Variants in NAMPT observed in about 807,000 individuals in gnomAD.
NAMPT encodes the protein nicotinamide phosphoribosyltransferase.
In NAMPT, 7 loss-of-function variants were observed where a neutral mutation model predicts 58.7. That is an observed-to-expected ratio of 0.12 (90% CI 0.07 to 0.22). The LOEUF (loss-of-function observed/expected upper bound fraction) is 0.22. Among genes scored for constraint, NAMPT ranks in the 10% least tolerant of loss-of-function variants. NAMPT has a pLI of 1.00. For synonymous variants in NAMPT, 145 were observed against 198.1 expected (o/e 0.73, Z 2.25); for missense variants, 271 against 567.9 (o/e 0.48, Z 5.31).
intron 8 of NAMPT, among the ~76,000 whole-genome samples, chr7:106,259,620 TCAC>T (rs1369899522): frequency 6.6e-6 from 1 of 152,094 alleles, no homozygotes; most frequent in Non-Finnish European, 1.5e-5. Flanking sequence ...AGACGGGGTT[TCAC>T]CACGTTGGCC....
chr7:106,258,341 A>G (rs1350832878), intron 8 of NAMPT, among the ~76,000 whole-genome samples: 1 of 152,218 alleles, frequency 6.6e-6, no homozygotes, highest in Admixed American at 6.5e-5. Context: ...TAATTTGGGT[A>G]CTGACCTTAC....
At chr7:106,265,387 A>G (rs1016310804) in intron 6 of NAMPT, among the ~76,000 whole-genome samples, 2 of 151,820 alleles carry the variant, frequency 1.3e-5, no homozygotes, top group African/African-American at 4.8e-5. Flanking sequence ...CTTTCTCTTG[A>G]CTTCAATGAC....
At chr7:106,261,937 TA>T (rs1395921247) in intron 7 of NAMPT, among the ~76,000 whole-genome samples, 1 of 152,108 alleles carries the variant, frequency 6.6e-6, no homozygotes. Context: ...ATTCACATCA[TA>T]AAGTGGCTCA....
rs370987898 is a variant in NAMPT at position 106,272,645 on chromosome 7, T to C, written c.332A>G (p.His111Arg). ...AACAGCTTTTATTTCTATTGGAAGA[T>C]GCCCATCATACTTCTGGCAGGATAA... is the stretch of plus-strand genomic sequence containing the variant. ...WNYILEKYDG[H>R]LPIEIKAVPE... The change falls in exon 4 of 11, where the codon CAT becomes CGT. Residue 111 changes from histidine to arginine, a missense_variant. Transcript: ENST00000222553. The C allele has an allele frequency of 3.0e-5, 48 of 1,613,132 alleles. No individual in the cohort carries two copies. Among genetic ancestry groups the C allele is most frequent in the Non-Finnish European group, 3.6e-5 (43 of 1,179,420 alleles).
chr7:106,253,294 G>T, intron 9 of NAMPT, 143 bp from the exon 10 acceptor site: 1 of 785,212 alleles, frequency 1.3e-6, no homozygotes, highest in Non-Finnish European at 2.0e-6. Flanking sequence ...TCCACATCTG[G>T]CTTTCAGAAA....
upstream of NAMPT, chr7:106,285,165 G>T (rs1207929498): frequency 3.2e-6 from 4 of 1,246,574 alleles, no homozygotes; most frequent in African/African-American, 3.2e-5. Context: ...CACCCTCCGG[G>T]GGCCGAGAAA....
chr7:106,261,573 A>G lies in NAMPT; in HGVS notation c.1089+15T>C, dbSNP rs1236349031. The G allele has an allele frequency of 6.6e-7, 1 of 1,520,048 alleles. No individual in the cohort carries two copies. Among genetic ancestry groups the G allele is most frequent in the South Asian group, 1.2e-5 (1 of 83,348 alleles). The allele number at this position is 1,520,048 out of a possible 1,614,324, so 94.2% of individuals were successfully genotyped here. On this transcript the variant is annotated intron_variant, in intron 8 of 10. Transcript: ENST00000222553. ...AAGAAATGCCTTATTGAAACTTTTA[A>G]TATAAAACACATACCTCTTGTAAGG...
chr7:106,280,059 C>G (rs1192343476), intron 1 of NAMPT, among the ~76,000 whole-genome samples: 2 of 152,072 alleles, frequency 1.3e-5, no homozygotes, highest in East Asian at 3.8e-4. Context: ...ATACCAAGTG[C>G]AATGGGAAGC....
At chr7:106,278,590 G>C (rs563920302) in intron 1 of NAMPT, among the ~76,000 whole-genome samples, 2 of 152,292 alleles carry the variant, frequency 1.3e-5, no homozygotes, top group South Asian at 4.1e-4. Flanking sequence ...TACAGAATCT[G>C]CAGCAATGAA....
chr7:106,285,479 C>G (rs908337492), upstream of NAMPT: 18 of 926,654 alleles, frequency 1.9e-5, no homozygotes, highest in Middle Eastern at 1.7e-3. Flanking sequence ...TCACGCCACC[C>G]GGCTAGGGGG....
At chr7:106,283,457 C>CAGTT (rs1792803701) in intron 1 of NAMPT, among the ~76,000 whole-genome samples, 1 of 152,014 alleles carries the variant, frequency 6.6e-6, no homozygotes, top group Admixed American at 6.6e-5. Flanking sequence ...AAAAATCTGA[C>CAGTT]AGTTATTTTA....
Position 106,249,973 on chromosome 7 carries a change from C to A in NAMPT, c.*1110G>T, listed in dbSNP as rs1210235962. 6.6e-6 allele frequency: 1 copy of A among 152,102 alleles called. No homozygotes were observed. Among genetic ancestry groups the A allele is most frequent in the Middle Eastern group, 3.4e-3 (1 of 294 alleles). The allele number at this position is 152,102 out of a possible 1,614,324, so 9.4% of individuals were successfully genotyped here. ...ATGCTTTTCATTGGAGATAATTTAT[C>A]TTCATTTAAGAATGTGCTTCAGTAT... On this transcript the variant is annotated 3_prime_UTR_variant, in exon 11 of 11. Coordinates refer to ENST00000222553, the MANE Select transcript of NAMPT (RefSeq NM_005746.3).
At chr7:106,271,530 G>T (rs1484742831) in intron 4 of NAMPT, among the ~76,000 whole-genome samples, 1 of 152,034 alleles carries the variant, frequency 6.6e-6, no homozygotes, top group Non-Finnish European at 1.5e-5. Flanking sequence ...TGTTATTTCA[G>T]TCCTAAATAT....
chr7:106,264,853 A>G (rs1350464694), intron 6 of NAMPT, among the ~76,000 whole-genome samples: 1 of 152,032 alleles, frequency 6.6e-6, no homozygotes, highest in African/African-American at 2.4e-5. Context: ...TTTATGTCTG[A>G]AATAATCACT....
chr7:106,285,242 C>T (rs1792853571), upstream of NAMPT: 1 of 934,606 alleles, frequency 1.1e-6, no homozygotes, highest in Non-Finnish European at 1.3e-6. Context: ...GTGATGCACG[C>T]GCTCTTCCTC....
intron 8 of NAMPT, among the ~76,000 whole-genome samples, chr7:106,261,115 CA>C (rs2115750524): frequency 6.6e-6 from 1 of 152,290 alleles, no homozygotes; most frequent in Non-Finnish European, 1.5e-5. Flanking sequence ...GGTACGCCTG[CA>C]TAACACTTAT....
In NAMPT at chr7:106,277,320, CA is replaced by C. The variant is rs1474642926; in HGVS notation, c.58-142del. 1.8e-5 allele frequency: 12 copies of C among 683,066 alleles called. No individual in the cohort carries two copies. In the Admixed American group the frequency reaches 3.7e-4, roughly 21 times the overall value. 42.3% of individuals were successfully genotyped at this position (683,066 alleles called of 1,614,324 possible). A position where few individuals can be genotyped will look rare whatever the true frequency, so the allele number is the denominator to read the frequency against. On this transcript the variant is annotated intron_variant, in intron 1 of 10. Transcript: ENST00000222553. ...AACCAGTTTCTTTTCCTGGCTATAC[CA>C]AATAAAAAATAAGTATCTAAGATAT...
chr7:106,271,311 T>A (rs778470042), intron 4 of NAMPT, among the ~76,000 whole-genome samples: 4 of 152,200 alleles, frequency 2.6e-5, no homozygotes, highest in Non-Finnish European at 5.9e-5. Flanking sequence ...TCCTTCTCCT[T>A]ATTAAAAGCT....
chr7:106,255,627 G>C (rs1469256933), intron 8 of NAMPT, among the ~76,000 whole-genome samples: 4 of 152,220 alleles, frequency 2.6e-5, no homozygotes, highest in African/African-American at 9.6e-5. Flanking sequence ...CATCTAATTT[G>C]AATCAAGATG....
Sources: gnomAD v4.1 joint callset for allele counts (sites outside exome capture counted in the v4.1 genomes callset) on GRCh38, gnomAD v4.1.1 for gene constraint, MANE v1.5 for transcripts, NCBI Gene and HGNC (gene_info 2026-07-23, HGNC 2026-07-21) for gene names.